MAGIX: variants seen among roughly 807,000 people sequenced by gnomAD.
The protein encoded by MAGIX is PDZ domain-containing protein MAGIX.
MAGIX carries 13 observed loss-of-function variants against 10.0 expected under a neutral mutation model. The ratio of observed to expected loss-of-function variants is 1.30; its 90% confidence interval spans 0.84 to 2.06. The LOEUF (loss-of-function observed/expected upper bound fraction) is 2.06. Ranked by LOEUF, MAGIX falls within the 30% of genes most tolerant of loss-of-function variation. The pLI, the probability that MAGIX is intolerant of heterozygous loss-of-function variation, is 0.00. For synonymous variants in MAGIX, 108 were observed against 106.8 expected, an observed-to-expected ratio of 1.01 and a Z score of -0.07; for missense variants, 235 against 245.2, an observed-to-expected ratio of 0.96 and a Z score of 0.28.
chrX:49,166,423 T>G (rs782295782), exon 5 of MAGIX: 12 of 1,087,408 alleles, frequency 1.1e-5, no homozygotes, highest in Non-Finnish European at 1.5e-5. Context: ...AGCGCGGGGC[T>G]CACTAGTTAC....
exon 2 of MAGIX, chrX:49,163,829 GGC>G: frequency 9.6e-7 from 1 of 1,043,237 alleles, no homozygotes; most frequent in Non-Finnish European, 1.2e-6. Context: ...GGCAGCTCCT[GGC>G]GCGGTTGGAC....
At position 49,163,941 on chromosome X, in the gene MAGIX, G is replaced by GC. The variant is rs2147861236; in HGVS notation, c.-55+13dup. The GC allele has an allele frequency of 9.9e-7, 1 of 1,010,997 alleles. No homozygotes were observed. Among genetic ancestry groups the GC allele is most frequent in the East Asian group, 4.1e-5 (1 of 24,275 alleles). 83.3% of individuals were successfully genotyped at this position (1,010,997 alleles called of 1,213,427 possible). ...GCGCCGGAAGGAGGGTGAGTGACTG[G>GC]CGCAGGGCCTCCGCTGGGGGAGGGT... On this transcript the variant is annotated intron_variant, in intron 2 of 4. Coordinates refer to ENST00000616266, the Ensembl canonical transcript of MAGIX.
exon 4 of MAGIX, chrX:49,165,201 C>A (rs782405681): frequency 1.7e-6 from 2 of 1,191,836 alleles, no homozygotes; most frequent in South Asian, 1.8e-5. Flanking sequence ...TCGGGGACCT[C>A]GTGCTCCACA....
At chrX:49,165,617 G>A (rs1341704561) in intron 4 of MAGIX, 2 of 367,081 alleles carry the variant, frequency 5.4e-6, no homozygotes, top group Non-Finnish European at 9.3e-6. Flanking sequence ...ACTGGGGGAA[G>A]AGAAGGGAAG....
exon 2 of MAGIX, chrX:49,163,898 G>T: frequency 9.7e-7 from 1 of 1,026,311 alleles, no homozygotes; most frequent in Middle Eastern, 3.3e-4. Context: ...TACGCAGGGC[G>T]GGCGCCACAT....
At chrX:49,168,368 C>G (rs1424316837) in exon 5 of MAGIX, 2 of 102,401 alleles carry the variant, frequency 2.0e-5, no homozygotes, top group Non-Finnish European at 3.9e-5. Flanking sequence ...ACTCGGGAGG[C>G]TGAGGCAGAG....
downstream of MAGIX, among the ~76,000 whole-genome samples, chrX:49,168,774 CAAAAAA>C (rs35343968): frequency 1.2e-4 from 2 of 16,896 alleles, no homozygotes; most frequent in African/African-American, 2.3e-4. Context: ...GACCTTATCT[CAAAAAA>C]AAAAAAAAAA....
exon 5 of MAGIX, chrX:49,166,074 T>C (rs1557097807): frequency 8.3e-7 from 1 of 1,208,709 alleles, no homozygotes; most frequent in Admixed American, 2.2e-5. Flanking sequence ...TAATCCGTAG[T>C]CCCGTCATGG....
At chrX:49,165,847 T>G in intron 4 of MAGIX, 1 of 391,484 alleles carries the variant, frequency 2.6e-6, no homozygotes. Flanking sequence ...CCTTTGGAGA[T>G]TGTGGGAAAT....
exon 3 of MAGIX, chrX:49,164,734 T>C: frequency 8.3e-7 from 1 of 1,211,770 alleles, no homozygotes. Context: ...TCTGCGGACA[T>C]AGAGGTCACA....
At position 49,164,024 on chromosome X, in the gene MAGIX, T is replaced by C. The variant is rs199555134; in HGVS notation, c.-55+95T>C. 1.5e-4 allele frequency: 133 copies of C among 877,848 alleles called. 1 individual carries two copies. Among genetic ancestry groups the C allele is most frequent in the African/African-American group, 8.6e-5 (4 of 46,743 alleles). 72.3% of individuals were successfully genotyped at this position (877,848 alleles called of 1,213,427 possible). On this transcript the variant is annotated intron_variant, in intron 2 of 4. Transcript: ENST00000616266. Reference sequence around the variant, plus strand: ...TGGGGGGTCAGCAGCTACTGCCCTGTCTTGGGTGGGGCCAAGGGGCGCGAC... The same window carrying C: ...TGGGGGGTCAGCAGCTACTGCCCTGCCTTGGGTGGGGCCAAGGGGCGCGAC...
At chrX:49,164,550 A>G in intron 2 of MAGIX, 157 bp from the exon 3 acceptor site, 1 of 516,039 alleles carries the variant, frequency 1.9e-6, no homozygotes, top group Middle Eastern at 3.5e-4. Context: ...CTTTAAGATT[A>G]CTTGAGGGGA....
intron 3 of MAGIX, 47 bp from the exon 5 acceptor site, chrX:49,165,143 G>GTGC (rs1308890301): frequency 8.3e-7 from 1 of 1,200,677 alleles, no homozygotes; most frequent in Non-Finnish European, 1.1e-6. Flanking sequence ...CTTTGTTGGG[G>GTGC]TGCTCTCCTT....
chrX:49,164,345 G>GTATCATTAAAAAA, intron 2 of MAGIX: 1 of 329,275 alleles, frequency 3.0e-6, no homozygotes, highest in Non-Finnish European at 5.3e-6. Context: ...ATTAGAGGGC[G>GTATCATTAAAAAA]TGCTATGGAA....
chrX:49,163,902 G>C, exon 2 of MAGIX: 1 of 1,021,644 alleles, frequency 9.8e-7, no homozygotes, highest in Non-Finnish European at 1.2e-6. Context: ...CAGGGCGGGC[G>C]CCACATTGCG....
Position 49,166,450 on chromosome X carries a change from G to C in MAGIX, c.*51G>C, listed in dbSNP as rs782307827. 4.2e-4 allele frequency: 423 copies of C among 1,014,885 alleles called. 2 individuals are homozygous for C. Among genetic ancestry groups the C allele is most frequent in the Non-Finnish European group, 5.4e-4 (412 of 766,979 alleles). The allele number at this position is 1,014,885 out of a possible 1,213,427, so 83.6% of individuals were successfully genotyped here. On this transcript the variant is annotated 3_prime_UTR_variant, in exon 5 of 5. Transcript: ENST00000616266. ...ACTAGTTACCGCCCAACCTGGATCC[G>C]GCGCGTGTGGCCGCTGGGCACTTGG...
At chrX:49,166,413 A>G (rs1477955879) in exon 5 of MAGIX, 5 of 1,102,254 alleles carry the variant, frequency 4.5e-6, no homozygotes, top group Non-Finnish European at 6.0e-6. Flanking sequence ...TACCTCTGAC[A>G]GCGCGGGGCT....
At chrX:49,164,814 G>A in exon 3 of MAGIX, 1 of 1,209,903 alleles carries the variant, frequency 8.3e-7, no homozygotes, top group Non-Finnish European at 1.1e-6. Flanking sequence ...TTCTATCGGA[G>A]GCCTCCTGCC....
chrX:49,164,638 G>C, intron 2 of MAGIX, 69 bp from the exon 3 acceptor site: 1 of 966,810 alleles, frequency 1.0e-6, no homozygotes, highest in Non-Finnish European at 1.5e-6. Context: ...TGTTAACTCA[G>C]GGAACAGGTC....
Sources: gnomAD v4.1 joint callset for allele counts (sites outside exome capture counted in the v4.1 genomes callset) on GRCh38, gnomAD v4.1.1 for gene constraint, MANE v1.5 for transcripts, NCBI Gene and HGNC (gene_info 2026-07-23, HGNC 2026-07-21) for gene names.